Variants in NSL1 observed in about 807,000 individuals in gnomAD.
The protein encoded by NSL1 is kinetochore-associated protein NSL1 homolog.
A neutral mutation model predicts 25.4 loss-of-function variants in NSL1; 11 were observed. That is an observed-to-expected ratio of 0.43 (90% CI 0.27 to 0.72). NSL1 has a LOEUF of 0.72. NSL1 is among the 30% of genes least tolerant of loss of function. NSL1 has a pLI of 0.19. For missense variants in NSL1, 330 were observed against 342.7 expected, an observed-to-expected ratio of 0.96 and a Z score of 0.29; for synonymous variants, 118 against 120.6, an observed-to-expected ratio of 0.98 and a Z score of 0.14.
At chr1:212,786,450 T>C (rs972130549) in intron 2 of NSL1, among the ~76,000 whole-genome samples, 2 of 150,260 alleles carry the variant, frequency 1.3e-5, no homozygotes, top group Non-Finnish European at 3.0e-5. Flanking sequence ...CCCAGGTAAA[T>C]CTTTTTTGTA....
rs529046525 is a variant in NSL1 at position 212,754,872 on chromosome 1, A to T, written c.500-15271T>A. Among the ~76,000 whole-genome samples, 2 of 152,034 alleles carry T rather than the reference A, an allele frequency of 1.3e-5. 1 individual carries two copies. The highest frequency in any genetic ancestry group is 2.9e-5 in the Non-Finnish European group (2 of 67,980). On this transcript the variant is annotated intron_variant, in intron 4 of 5. Transcript: ENST00000366977. ...AACCAGAAATGATGGGAAGCAGATA[A>T]TGCCTCCAAGCCTGGGCCTGGACCA...
In NSL1 at chr1:212,787,649, TCA is replaced by T. The variant is rs1159120960; in HGVS notation, c.235-14_235-13del. The T allele has an allele frequency of 1.3e-6, 2 of 1,563,940 alleles. No individual in the cohort carries two copies. Among genetic ancestry groups the T allele is most frequent in the East Asian group, 2.3e-5 (1 of 43,822 alleles). ...GCTGATTCAAAAGTCTGCAATAAAT[TCA>T]CAGTAGTCAAGTCACTAAAAATAAT... On this transcript the variant is annotated splice_polypyrimidine_tract_variant and intron_variant, in intron 1 of 5. Transcript: ENST00000366977.
At chr1:212,776,359 G>A (rs567373241) in intron 4 of NSL1, among the ~76,000 whole-genome samples, 2 of 150,714 alleles carry the variant, frequency 1.3e-5, no homozygotes, top group Admixed American at 6.6e-5. Context: ...GAGAAACTCC[G>A]TCTCAAAAAA....
At chr1:212,791,088 T>A (rs999016163) in intron 1 of NSL1, among the ~76,000 whole-genome samples, 2 of 152,158 alleles carry the variant, frequency 1.3e-5, no homozygotes, top group Non-Finnish European at 2.9e-5. Context: ...CACTTTGTAG[T>A]TACTGAGCGC....
rs924035515 is a variant in NSL1, at chr1:212,736,079, C to G, written c.*2329G>C. On this transcript the variant is annotated 3_prime_UTR_variant, in exon 6 of 6. Transcript: ENST00000366977. The stretch of plus-strand genomic sequence containing the variant: ...TTGAAACAGGGTCTCACTCTGTCAC[C>G]CAGGCTGGAGTACAGTGGTGCCATC... 1.0e-6 allele frequency: 1 copy of G among 973,576 alleles called. No individual in the cohort carries two copies. Among genetic ancestry groups the G allele is most frequent in the African/African-American group, 1.8e-5 (1 of 56,968 alleles). The allele number at this position is 973,576 out of a possible 1,614,324, so 60.3% of individuals were successfully genotyped here.
rs575458723 is a variant in NSL1, at chr1:212,743,366, T to C, written c.500-3765A>G. On this transcript the variant is annotated intron_variant, in intron 4 of 5. Transcript: ENST00000366977. ...TTTTAGTAGAGACAGGGTTTCACCA[T>C]GTTAGCCAGAATGGCCTCGATCTCT... Among the ~76,000 whole-genome samples the C allele has an allele frequency of 7.9e-5, 12 of 152,220 alleles. No individual in the cohort carries two copies. In the South Asian group the frequency reaches 2.5e-3, roughly 32 times the overall value.
intron 4 of NSL1, among the ~76,000 whole-genome samples, chr1:212,775,622 C>T (rs1660325802): frequency 6.7e-6 from 1 of 150,284 alleles, no homozygotes; most frequent in Non-Finnish European, 1.5e-5. Context: ...CAAAACAAAA[C>T]TCAATACCAA....
intron 5 of NSL1, among the ~76,000 whole-genome samples, chr1:212,739,190 T>C (rs74983279): frequency 0.023 from 3,468 of 152,322 alleles, 63 homozygotes; most frequent in South Asian, 0.042. Context: ...AAGGATTACA[T>C]GAGACAATAC....
intron 4 of NSL1, among the ~76,000 whole-genome samples, chr1:212,777,465 A>T (rs1660426804): frequency 6.6e-6 from 1 of 152,240 alleles, no homozygotes; most frequent in Non-Finnish European, 1.5e-5. Flanking sequence ...GAATATTCAT[A>T]AACTAGAATA....
rs1260444725 is a variant in NSL1, at chr1:212,781,297, G to A, written c.499+1075C>T. On this transcript the variant is annotated intron_variant, in intron 4 of 5. Coordinates refer to ENST00000366977, the MANE Select transcript of NSL1 (RefSeq NM_015471.4). ...AAAACGGTAACCAAGTTTCTTTAGAGGGAAATTAACTGTATCTAAAAAGTA... is the reference window on the plus strand; with the variant it reads ...AAAACGGTAACCAAGTTTCTTTAGAAGGAAATTAACTGTATCTAAAAAGTA... Among the ~76,000 whole-genome samples, 4 of 152,252 alleles carry A rather than the reference G, an allele frequency of 2.6e-5. No individual in the cohort carries two copies. The East Asian group carries it at 5.8e-4, about 22-fold the overall frequency.
Position 212,736,009 on chromosome 1 carries a change from C to T in NSL1, c.*2399G>A. 1.0e-6 allele frequency: 1 copy of T among 985,372 alleles called. No homozygotes were observed. Among genetic ancestry groups the T allele is most frequent in the South Asian group, 4.7e-5 (1 of 21,278 alleles). The allele number at this position is 985,372 out of a possible 1,614,324, so 61.0% of individuals were successfully genotyped here. On this transcript the variant is annotated 3_prime_UTR_variant, in exon 6 of 6. Transcript: ENST00000366977. ...ACCAGCTTTGACAGTGTTCTCTCTTCTTTGGGACTAGACTTAACCTTCTTG... is the reference window on the plus strand; with the variant it reads ...ACCAGCTTTGACAGTGTTCTCTCTTTTTTGGGACTAGACTTAACCTTCTTG...
chr1:212,769,711 G>A (rs146028451), intron 4 of NSL1, among the ~76,000 whole-genome samples: 205 of 152,026 alleles, frequency 1.3e-3, no homozygotes, highest in African/African-American at 4.7e-3. Context: ...ATACAAACGA[G>A]AGAGAGAGAA....
At chr1:212,739,918 T>G (rs1375155720) in intron 4 of NSL1, among the ~76,000 whole-genome samples, 2 of 152,196 alleles carry the variant, frequency 1.3e-5, no homozygotes, top group Non-Finnish European at 2.9e-5. Flanking sequence ...CATCACATTT[T>G]TAAATAAATA....
At chr1:212,756,429 G>T (rs1291189368) in intron 4 of NSL1, among the ~76,000 whole-genome samples, 1 of 152,068 alleles carries the variant, frequency 6.6e-6, no homozygotes, top group African/African-American at 2.4e-5. Flanking sequence ...TTTTAAAAGG[G>T]ACAATGTAAT....
At chr1:212,741,306 G>A (rs1658492354) in intron 4 of NSL1, among the ~76,000 whole-genome samples, 1 of 152,182 alleles carries the variant, frequency 6.6e-6, no homozygotes, top group Admixed American at 6.5e-5. Flanking sequence ...CTGTGTAGGA[G>A]CTATCTGTTC....
rs1657989101 is a variant in NSL1, at chr1:212,730,970, C to T, written c.*7438G>A. On this transcript the variant is annotated 3_prime_UTR_variant, in exon 6 of 6. Coordinates refer to ENST00000366977, the MANE Select transcript of NSL1 (RefSeq NM_015471.4). ...CATTCATTCAACGAATATTAGTTTA[C>T]AGCCCATGGGCAAAGTATGAGCAAT... 7.1e-6 allele frequency: 7 copies of T among 985,428 alleles called. No homozygotes were observed. The highest frequency in any genetic ancestry group is 8.4e-6 in the Non-Finnish European group (7 of 829,908). The allele number at this position is 985,428 out of a possible 1,614,324, so 61.0% of individuals were successfully genotyped here.
In NSL1 at chr1:212,774,610, G is replaced by T. The variant is rs1236329596; in HGVS notation, c.499+7762C>A. On this transcript the variant is annotated intron_variant, in intron 4 of 5. Transcript: ENST00000366977. ...ATGCTCAACATTGTTAGCCATTACAGAAATTCAATTTAAAATCACAATAAG... is the reference window on the plus strand; with the variant it reads ...ATGCTCAACATTGTTAGCCATTACATAAATTCAATTTAAAATCACAATAAG... Among the ~76,000 whole-genome samples, 3 of 152,182 alleles carry T rather than the reference G, an allele frequency of 2.0e-5. No individual in the cohort carries two copies. The East Asian group carries it at 5.8e-4, about 29-fold the overall frequency.
chr1:212,728,759 G>A lies in NSL1; in HGVS notation c.*9649C>T. 1.0e-6 allele frequency: 1 copy of A among 985,392 alleles called. No homozygotes were observed. The highest frequency in any genetic ancestry group is 1.2e-6 in the Non-Finnish European group (1 of 829,928). The allele number at this position is 985,392 out of a possible 1,614,324, so 61.0% of individuals were successfully genotyped here. On this transcript the variant is annotated 3_prime_UTR_variant, in exon 6 of 6. Coordinates refer to ENST00000366977, the MANE Select transcript of NSL1 (RefSeq NM_015471.4). ...AAACCTGATCACCGTCCCCTTTGTT[G>A]CCACATCTCGCAGCTTCTCCCTTCT...
At position 212,735,963 on chromosome 1, in the gene NSL1, T is replaced by C. The variant is rs1185416565; in HGVS notation, c.*2445A>G. On this transcript the variant is annotated 3_prime_UTR_variant, in exon 6 of 6. Transcript: ENST00000366977. ...AGTAGCCTAAATAAACAAATGTAGA[T>C]TTTGGTACCAGTTTTCAGAAACCAG... The C allele has an allele frequency of 4.1e-6, 4 of 985,198 alleles. No individual in the cohort carries two copies. The highest frequency in any genetic ancestry group is 4.8e-6 in the Non-Finnish European group (4 of 829,858). The allele number at this position is 985,198 out of a possible 1,614,324, so 61.0% of individuals were successfully genotyped here.
Sources: gnomAD v4.1 joint callset for allele counts (sites outside exome capture counted in the v4.1 genomes callset) on GRCh38, gnomAD v4.1.1 for gene constraint, MANE v1.5 for transcripts, NCBI Gene and HGNC (gene_info 2026-07-23, HGNC 2026-07-21) for gene names.